Variants in ME1 observed in about 807,000 individuals in gnomAD.
ME1 encodes the protein NADP-dependent malic enzyme.
ME1 carries 74 observed loss-of-function variants against 66.4 expected under a neutral mutation model. The observed-to-expected ratio is 1.11, with a 90% CI of 0.92 to 1.35. The LOEUF is 1.35. Ranked by LOEUF, ME1 falls within the 40% of genes most tolerant of loss-of-function variation. ME1 has a pLI of 0.00. For missense variants in ME1, 750 were observed against 694.1 expected (o/e 1.08, Z -0.90); for synonymous variants, 251 against 235.6 (o/e 1.07, Z -0.60).
intron 2 of ME1, 104 bp downstream of exon 2, chr6:83,407,664 T>C: frequency 8.4e-7 from 1 of 1,186,810 alleles, no homozygotes; most frequent in East Asian, 2.6e-5. Context: ...CAAAGTTGGC[T>C]ACCCTTTCCA....
In ME1 at chr6:83,211,845, T is replaced by C. The variant is rs1583320897; in HGVS notation, c.*79A>G. The C allele has an allele frequency of 1.1e-6, 1 of 931,916 alleles. No homozygotes were observed. Among genetic ancestry groups the C allele is most frequent in the East Asian group, 2.9e-5 (1 of 34,364 alleles). The allele number at this position is 931,916 out of a possible 1,614,324, so 57.7% of individuals were successfully genotyped here. A position where few individuals can be genotyped will look rare whatever the true frequency, so the allele number is the denominator to read the frequency against. On this transcript the variant is annotated 3_prime_UTR_variant, in exon 14 of 14. Coordinates refer to ENST00000369705, the MANE Select transcript of ME1 (RefSeq NM_002395.6). ...CTTAATCTAAGTGTCTTATGAATCATTATAAAAGATTCCAACCTTTAAAAA... is the reference window on the plus strand; with the variant it reads ...CTTAATCTAAGTGTCTTATGAATCACTATAAAAGATTCCAACCTTTAAAAA...
intron 6 of ME1, among the ~76,000 whole-genome samples, chr6:83,276,362 G>A (rs899850057): frequency 1.3e-5 from 2 of 152,170 alleles, no homozygotes; most frequent in Non-Finnish European, 2.9e-5. Context: ...AGATTCTGCT[G>A]TGAAATCCAT....
At chr6:83,216,674 A>G (rs1460551625) in intron 12 of ME1, 78 bp from the exon 13 acceptor site, 1 of 894,792 alleles carries the variant, frequency 1.1e-6, no homozygotes, top group Non-Finnish European at 1.7e-6. Context: ...AACTAAGTGA[A>G]CGGTTACATA....
chr6:83,281,822 A>G (rs1343853224), intron 6 of ME1, among the ~76,000 whole-genome samples: 2 of 142,458 alleles, frequency 1.4e-5, no homozygotes, highest in African/African-American at 2.5e-5. Context: ...AAAAAAAAAA[A>G]AAAAAAAAAA....
chr6:83,386,289 TACAG>T (rs1186665434), intron 3 of ME1, among the ~76,000 whole-genome samples: 2 of 152,008 alleles, frequency 1.3e-5, no homozygotes, highest in African/African-American at 4.8e-5. Context: ...TTTCTAGAAA[TACAG>T]ACAATTATAA....
At chr6:83,260,237 A>C (rs1258083192) in intron 6 of ME1, among the ~76,000 whole-genome samples, 1 of 151,420 alleles carries the variant, frequency 6.6e-6, no homozygotes, top group Non-Finnish European at 1.5e-5. Context: ...TCTGCTTTTC[A>C]AAAAAAATAG....
chr6:83,422,176 A>G (rs939614686), intron 1 of ME1, among the ~76,000 whole-genome samples: 1 of 152,198 alleles, frequency 6.6e-6, no homozygotes, highest in African/African-American at 2.4e-5. Context: ...CAGCATACCA[A>G]AGGCTTTGAG....
At position 83,383,232 on chromosome 6, in the gene ME1, C is replaced by T. The variant is rs540576894; in HGVS notation, c.362+15135G>A. 6.8e-4 allele frequency among the ~76,000 whole-genome samples: 103 copies of T among 151,904 alleles called. 3 individuals carry two copies. Among genetic ancestry groups the T allele is most frequent in the African/African-American group, 2.3e-3 (94 of 41,372 alleles). On this transcript the variant is annotated intron_variant, in intron 3 of 13. Coordinates refer to ENST00000369705, the MANE Select transcript of ME1 (RefSeq NM_002395.6). ...AGTATTAGGAGGAAGAAAACAAGTT[C>T]AAGCCCCAACTCTGGCACTTACTAT...
At chr6:83,260,101 C>T (rs1008821580) in intron 6 of ME1, among the ~76,000 whole-genome samples, 1 of 151,716 alleles carries the variant, frequency 6.6e-6, no homozygotes, top group Non-Finnish European at 1.5e-5. Context: ...GTATTTCCAA[C>T]CATTTTTATT....
chr6:83,233,412 C>T (rs937611908), intron 9 of ME1, among the ~76,000 whole-genome samples: 19 of 151,930 alleles, frequency 1.3e-4, no homozygotes, highest in Non-Finnish European at 2.7e-4. Context: ...TTCAATTAAC[C>T]TTGGTGATAT....
Position 83,253,629 on chromosome 6 carries a change from C to CTTGAATATCATCA in ME1, c.801_813dup (p.Gly272Ter). 1 of 1,564,096 alleles carries CTTGAATATCATCA rather than the reference C, an allele frequency of 6.4e-7. No individual in the cohort carries two copies. The highest frequency in any genetic ancestry group is 1.1e-5 in the South Asian group (1 of 89,274). On this transcript the variant is annotated stop_gained and frameshift_variant and splice_region_variant, in exon 7 of 14. Transcript: ENST00000369705. LOFTEE classifies it high-confidence loss of function. Reference sequence around the variant, plus strand: ...CCATATGCAGTGAAAATTTTGTTACCTTGAATATCATCATTGAATGTGCAA... The same window carrying CTTGAATATCATCA: ...CCATATGCAGTGAAAATTTTGTTACCTTGAATATCATCATTGAATATCATCATTGAATGTGCAA...
At chr6:83,293,576 T>C (rs940362163) in intron 6 of ME1, among the ~76,000 whole-genome samples, 4 of 152,148 alleles carry the variant, frequency 2.6e-5, no homozygotes, top group Non-Finnish European at 5.9e-5. Context: ...GATTCAGCCA[T>C]GCCTAGAGCT....
chr6:83,411,853 T>A (rs973391320), intron 1 of ME1, among the ~76,000 whole-genome samples: 2 of 152,192 alleles, frequency 1.3e-5, no homozygotes, highest in Non-Finnish European at 2.9e-5. Context: ...TTTTGTCTTT[T>A]CTTTGCTTTC....
chr6:83,292,594 G>A (rs1411312388), intron 6 of ME1, among the ~76,000 whole-genome samples: 1 of 152,194 alleles, frequency 6.6e-6, no homozygotes, highest in East Asian at 1.9e-4. Flanking sequence ...CCCACTTGAG[G>A]AGGCAGTGCT....
At chr6:83,286,889 C>T (rs1767407071) in intron 6 of ME1, among the ~76,000 whole-genome samples, 1 of 152,084 alleles carries the variant, frequency 6.6e-6, no homozygotes, top group Non-Finnish European at 1.5e-5. Flanking sequence ...TGCAAGTACC[C>T]TTTCCGTAAA....
intron 6 of ME1, among the ~76,000 whole-genome samples, chr6:83,258,595 G>A (rs1766824105): frequency 6.6e-6 from 1 of 152,116 alleles, no homozygotes; most frequent in Non-Finnish European, 1.5e-5. Context: ...TGCTCCCGTG[G>A]CATTGTTAAA....
At chr6:83,246,986 C>T (rs966768456) in intron 7 of ME1, among the ~76,000 whole-genome samples, 1 of 152,024 alleles carries the variant, frequency 6.6e-6, no homozygotes, top group Non-Finnish European at 1.5e-5. Context: ...TGTTTACTGG[C>T]CATGGTATCC....
rs1768354504 is a variant in ME1, at chr6:83,328,976, A to G, written c.601-13563T>C. 2.0e-5 allele frequency among the ~76,000 whole-genome samples: 3 copies of G among 152,320 alleles called. No individual in the cohort carries two copies. In the South Asian group the frequency reaches 6.2e-4, roughly 32 times the overall value. On this transcript the variant is annotated intron_variant, in intron 5 of 13. Coordinates refer to ENST00000369705, the MANE Select transcript of ME1 (RefSeq NM_002395.6). ...TACTAATGATCTTACTATTCACATT[A>G]TCTCAATTCTGCACCCTTCAGAATT...
chr6:83,339,824 G>A (rs1289242725), intron 5 of ME1, among the ~76,000 whole-genome samples: 1 of 109,804 alleles, frequency 9.1e-6, no homozygotes, highest in Non-Finnish European at 1.8e-5. Context: ...CTGTGGTGGG[G>A]TCGGGGGAGG....
Sources: allele counts gnomAD v4.1 joint callset (sites outside exome capture counted in the v4.1 genomes callset), GRCh38; gene constraint gnomAD v4.1.1; transcripts MANE v1.5; gene names NCBI Gene and HGNC (gene_info 2026-07-23, HGNC 2026-07-21).